The following NEDD4L variants were observed in gnomAD, a reference collection of about 807,000 sequenced individuals.
NEDD4L encodes E3 ubiquitin-protein ligase NEDD4-like.
A neutral mutation model predicts 148.9 loss-of-function variants in NEDD4L; 54 were observed. The observed-to-expected ratio is 0.36, with a 90% CI of 0.29 to 0.45. NEDD4L has a LOEUF of 0.45. Among genes scored for constraint, NEDD4L ranks in the 20% least tolerant of loss-of-function variants. The pLI is 1.00. For missense variants in NEDD4L, 856 were observed against 1,233.8 expected (o/e 0.69, Z 4.59); for synonymous variants, 433 against 440.7 (o/e 0.98, Z 0.22).
At chr18:58,196,915 T>C (rs2040773773) in intron 2 of NEDD4L, among the ~76,000 whole-genome samples, 1 of 151,942 alleles carries the variant, frequency 6.6e-6, no homozygotes, top group African/African-American at 2.4e-5. Flanking sequence ...CCTGATGATT[T>C]TTATGAGGGG....
Position 58,366,524 on chromosome 18 carries a change from T to C in NEDD4L, c.2063+296T>C, listed in dbSNP as rs1323051348. 1 of 273,478 alleles carries C rather than the reference T, an allele frequency of 3.7e-6. No homozygotes were observed. The highest frequency in any genetic ancestry group is 6.8e-6 in the Non-Finnish European group (1 of 146,148). The allele number at this position is 273,478 out of a possible 1,614,324, so 16.9% of individuals were successfully genotyped here. On this transcript the variant is annotated intron_variant, in intron 21 of 30. Transcript: ENST00000400345. The surrounding 1 kb of genome is among the most constrained non-coding windows in gnomAD (Gnocchi z 4.2). The stretch of plus-strand genomic sequence containing the variant: ...AACAGGAGGCGATTTTCATTTGCAG[T>C]GTTCAAGAGGAGGACTTGTCAGTGT...
chr18:58,304,165 G>A (rs1022073483), intron 5 of NEDD4L, among the ~76,000 whole-genome samples: 3 of 152,048 alleles, frequency 2.0e-5, no homozygotes, highest in African/African-American at 7.3e-5. Flanking sequence ...CAGCCCTCAC[G>A]GAAAGAATTA....
intron 1 of NEDD4L, among the ~76,000 whole-genome samples, chr18:58,138,499 T>C (rs547218597): frequency 1.1e-4 from 17 of 152,116 alleles, no homozygotes; most frequent in African/African-American, 3.9e-4. Flanking sequence ...CATTACGAAG[T>C]AATGTGGGAA....
chr18:58,341,655 A>AC, intron 14 of NEDD4L, 23 bp from the exon 15 acceptor site: 5 of 1,606,858 alleles, frequency 3.1e-6, no homozygotes, highest in Non-Finnish European at 4.2e-6. Flanking sequence ...TATGAAGCTA[A>AC]CTTGTTTTTG....
At chr18:58,062,799 TA>T (rs2082390703) in intron 1 of NEDD4L, among the ~76,000 whole-genome samples, 2 of 152,008 alleles carry the variant, frequency 1.3e-5, no homozygotes, top group Non-Finnish European at 2.9e-5. Context: ...CCATCTTGGC[TA>T]ACACGGTGAA....
intron 9 of NEDD4L, among the ~76,000 whole-genome samples, chr18:58,327,961 T>G (rs1029662787): frequency 9.9e-5 from 15 of 152,118 alleles, no homozygotes; most frequent in South Asian, 6.2e-4. Flanking sequence ...TTTCTTTTTT[T>G]TTTTGTTTTG....
Position 58,256,070 on chromosome 18 carries a change from G to C in NEDD4L, c.297+4016G>C. On this transcript the variant is annotated intron_variant, in intron 5 of 30. Coordinates refer to ENST00000400345, the MANE Select transcript of NEDD4L (RefSeq NM_001144967.3). The surrounding 1 kb of genome is among the most constrained non-coding windows in gnomAD (Gnocchi z 5.2). The stretch of plus-strand genomic sequence containing the variant: ...GGCCTCGCCCCAGAGTGGCTCCCGG[G>C]AGCCCTCGCCGAGGGACACCCCCGG... 8.1e-7 allele frequency: 1 copy of C among 1,228,684 alleles called. No individual in the cohort carries two copies. The highest frequency in any genetic ancestry group is 3.2e-5 in the East Asian group (1 of 31,388). The allele number at this position is 1,228,684 out of a possible 1,614,324, so 76.1% of individuals were successfully genotyped here.
chr18:58,217,622 C>T (rs1338162102), intron 2 of NEDD4L, among the ~76,000 whole-genome samples: 1 of 152,118 alleles, frequency 6.6e-6, no homozygotes, highest in Non-Finnish European at 1.5e-5. Context: ...ATTACAGGTC[C>T]ATGCCACCAT....
intron 6 of NEDD4L, among the ~76,000 whole-genome samples, chr18:58,318,325 G>A (rs1568677278): frequency 6.6e-6 from 1 of 152,222 alleles, no homozygotes. Context: ...GGAGGCCGAG[G>A]CAGGAGGATC....
At chr18:58,187,497 A>G in intron 2 of NEDD4L, among the ~76,000 whole-genome samples, 1 of 152,198 alleles carries the variant, frequency 6.6e-6, no homozygotes, top group Non-Finnish European at 1.5e-5. Context: ...TAAATCTAAA[A>G]AATACATGAT....
chr18:58,121,286 C>T (rs1011837651), intron 1 of NEDD4L, among the ~76,000 whole-genome samples: 10 of 152,048 alleles, frequency 6.6e-5, no homozygotes, highest in African/African-American at 2.4e-4. Flanking sequence ...GAGCAAATTA[C>T]TCTTTGGGGG....
At chr18:58,385,487 G>A in intron 25 of NEDD4L, 39 bp from the exon 26 acceptor site, 1 of 1,530,992 alleles carries the variant, frequency 6.5e-7, no homozygotes, top group Non-Finnish European at 9.1e-7. Context: ...CACTAGTGAT[G>A]ATGGAGGTGG....
At chr18:58,355,387 G>A (rs2044471397) in intron 18 of NEDD4L, among the ~76,000 whole-genome samples, 1 of 152,196 alleles carries the variant, frequency 6.6e-6, no homozygotes, top group East Asian at 1.9e-4. Flanking sequence ...GGTGATCAGA[G>A]GTTTGGTTTT....
chr18:58,327,965 T>C (rs1032203536), intron 9 of NEDD4L, among the ~76,000 whole-genome samples: 1 of 151,596 alleles, frequency 6.6e-6, no homozygotes, highest in Non-Finnish European at 1.5e-5. Context: ...TTTTTTTTTT[T>C]GTTTTGTTTT....
At chr18:58,371,203 A>ATTTTT (rs34960405) in intron 23 of NEDD4L, among the ~76,000 whole-genome samples, 52 of 92,966 alleles carry the variant, frequency 5.6e-4, no homozygotes, top group African/African-American at 7.5e-4. Context: ...TGCCTGGCTA[A>ATTTTT]TTTTTTTTTT....
rs144847177 is a variant in NEDD4L, at chr18:58,273,883, G to T, written c.297+21829G>T. 5.3e-5 allele frequency among the ~76,000 whole-genome samples: 8 copies of T among 152,296 alleles called. No individual in the cohort carries two copies. In the East Asian group the frequency reaches 9.6e-4, roughly 18 times the overall value. On this transcript the variant is annotated intron_variant, in intron 5 of 30. Coordinates refer to ENST00000400345, the MANE Select transcript of NEDD4L (RefSeq NM_001144967.3). ...CTTCTTTAATTAAAAATGGGAAAAT[G>T]ATGCGACAGAGCAAAGACGGCCATG...
intron 5 of NEDD4L, among the ~76,000 whole-genome samples, chr18:58,284,363 G>A (rs898310433): frequency 1.2e-4 from 18 of 152,128 alleles, no homozygotes; most frequent in African/African-American, 4.3e-4. Flanking sequence ...TTTCCTCAAA[G>A]TAGCTTTTGG....
rs954257644 is a variant in NEDD4L at position 58,225,791 on chromosome 18, A to C, written c.123-19636A>C. Among the ~76,000 whole-genome samples, 3 of 152,194 alleles carry C rather than the reference A, an allele frequency of 2.0e-5. No individual in the cohort carries two copies. In the South Asian group the frequency reaches 6.2e-4, roughly 32 times the overall value. On this transcript the variant is annotated intron_variant, in intron 2 of 30. Transcript: ENST00000400345. ...CTTGCAGGGAACTTCAGCCTGGTGG[A>C]GGAGACCCATAATAGCCAAGTCAAC...
At chr18:58,240,128 C>T (rs1192193888) in intron 2 of NEDD4L, among the ~76,000 whole-genome samples, 1 of 152,106 alleles carries the variant, frequency 6.6e-6, no homozygotes, top group African/African-American at 2.4e-5. Flanking sequence ...TGATTTCATG[C>T]ACAATTCCTG....
Sources: allele counts gnomAD v4.1 joint callset (sites outside exome capture counted in the v4.1 genomes callset), GRCh38; gene constraint gnomAD v4.1.1; non-coding constraint Gnocchi (gnomAD v3.1); transcripts MANE v1.5; gene names NCBI Gene and HGNC (gene_info 2026-07-23, HGNC 2026-07-21).